Variants in EN1 observed in about 807,000 individuals in gnomAD.
The protein encoded by EN1 is homeobox protein engrailed-1.
In EN1, 8 loss-of-function variants were observed where a neutral mutation model predicts 22.9. The observed-to-expected ratio is 0.35, with a 90% confidence interval of 0.20 to 0.63. EN1 has a LOEUF of 0.63. Among genes scored for constraint, EN1 ranks in the 20% least tolerant of loss-of-function variants. EN1 has a pLI of 0.73. For missense variants in EN1, 521 were observed against 572.1 expected (o/e 0.91, Z 0.91); for synonymous variants, 287 against 262.5 (o/e 1.09, Z -0.90).
Position 118,846,754 on chromosome 2 carries a change from T to G in EN1, c.414A>C (p.Gly138=). The change falls in exon 1 of 2, where the codon GGA becomes GGC. Residue 138 remains glycine (G), a synonymous_variant. Coordinates refer to ENST00000295206, the MANE Select transcript of EN1 (RefSeq NM_001426.4). The surrounding 1 kb of genome is among the most constrained non-coding windows in gnomAD (Gnocchi z 5.0). ...CTCTGTCACGCTCGACCCGGCCTCC[T>G]CCTCCTGCGCCTCCTCTGGCCGCCG... ...VAAAARGGAG[G]GGRVERDRGQ... 1.3e-6 allele frequency: 2 copies of G among 1,594,526 alleles called. No individual in the cohort carries two copies. The highest frequency in any genetic ancestry group is 1.7e-6 in the Non-Finnish European group (2 of 1,177,540).
At position 118,846,229 on chromosome 2, in the gene EN1, C is replaced by T. The variant is rs1678265710; in HGVS notation, c.862+77G>A. Reference sequence around the variant, plus strand: ...AGTACCCGAGGCCGGGTTTGCTCTCCCTAGCGCCGCAGCTTGGCGTTCTGG... The same window carrying T: ...AGTACCCGAGGCCGGGTTTGCTCTCTCTAGCGCCGCAGCTTGGCGTTCTGG... On this transcript the variant is annotated intron_variant, in intron 1 of 1. Coordinates refer to ENST00000295206, the MANE Select transcript of EN1 (RefSeq NM_001426.4). The surrounding 1 kb of genome is among the most constrained non-coding windows in gnomAD (Gnocchi z 5.0). The T allele has an allele frequency of 1.9e-6, 3 of 1,547,194 alleles. No individual in the cohort carries two copies. Among genetic ancestry groups the T allele is most frequent in the African/African-American group, 2.7e-5 (2 of 72,914 alleles).
chr2:118,845,490 G>T (rs2104611118), intron 1 of EN1, among the ~76,000 whole-genome samples: 1 of 152,370 alleles, frequency 6.6e-6, no homozygotes, highest in Non-Finnish European at 1.5e-5. Context: ...AAGTCTGCTG[G>T]ATGTGCGGGT....
Position 118,846,996 on chromosome 2 carries a change from AG to A in EN1, c.171del (p.Ser58ArgfsTer54), listed in dbSNP as rs1363146947. Reference sequence around the variant, plus strand: ...GGCAGGCAAGGCGCCGCGGGCGGCGAGGGGGGCGCAGGCTGCGGGGACACCG... The same window carrying A: ...GGCAGGCAAGGCGCCGCGGGCGGCGAGGGGGCGCAGGCTGCGGGGACACCG... ...SVPVSPQPAP[P>X]SPPAAPCLPP... On this transcript the variant is annotated frameshift_variant, in exon 1 of 2. Transcript: ENST00000295206. LOFTEE classifies it high-confidence loss of function. This position sits in a 1 kb window ranked among gnomAD's most constrained non-coding sequence, Gnocchi z 5.0. 7.4e-7 allele frequency: 1 copy of A among 1,342,524 alleles called. No homozygotes were observed. Among genetic ancestry groups the A allele is most frequent in the Non-Finnish European group, 9.5e-7 (1 of 1,057,270 alleles). 83.2% of individuals were successfully genotyped at this position (1,342,524 alleles called of 1,614,324 possible). A position where few individuals can be genotyped will look rare whatever the true frequency, so the allele number is the denominator to read the frequency against.
chr2:118,845,921 C>T (rs1678261446), intron 1 of EN1, among the ~76,000 whole-genome samples: 1 of 152,232 alleles, frequency 6.6e-6, no homozygotes, highest in South Asian at 2.1e-4. Flanking sequence ...GACGATCAGG[C>T]TGGTGGGATT....
chr2:118,842,893 G>A lies in EN1; in HGVS notation c.*45C>T, dbSNP rs756909659. The A allele has an allele frequency of 3.8e-6, 6 of 1,565,856 alleles. No homozygotes were observed. Among genetic ancestry groups the A allele is most frequent in the Non-Finnish European group, 4.3e-6 (5 of 1,153,556 alleles). On this transcript the variant is annotated 3_prime_UTR_variant, in exon 2 of 2. Coordinates refer to ENST00000295206, the MANE Select transcript of EN1 (RefSeq NM_001426.4). ...CAGCGAGGGGCCGGGAGACGACGGC[G>A]GCGGTGCCGGGAGGGGGCGCGGGCG...
intron 1 of EN1, among the ~76,000 whole-genome samples, chr2:118,845,461 A>C (rs1056704053): frequency 2.6e-5 from 4 of 152,306 alleles, no homozygotes; most frequent in Non-Finnish European, 5.9e-5. Context: ...GCCGAGAAAA[A>C]CAGGCCTACG....
Position 118,847,420 on chromosome 2 carries a change from A to G in EN1, c.-253T>C, listed in dbSNP as rs920917673. ...CATCCAGATATGGAGACACTTGGCT[A>G]TTTCTTTTTTCTTTCTGCAACCAGA... On this transcript the variant is annotated 5_prime_UTR_variant, in exon 1 of 2. Transcript: ENST00000295206. 2 of 332,012 alleles carry G rather than the reference A, an allele frequency of 6.0e-6. No homozygotes were observed. Among genetic ancestry groups the G allele is most frequent in the East Asian group, 4.7e-5 (1 of 21,414 alleles). The allele number at this position is 332,012 out of a possible 1,614,324, so 20.6% of individuals were successfully genotyped here. A position where few individuals can be genotyped will look rare whatever the true frequency, so the allele number is the denominator to read the frequency against.
chr2:118,844,550 C>T (rs140043471), intron 1 of EN1, among the ~76,000 whole-genome samples: 68 of 152,306 alleles, frequency 4.5e-4, no homozygotes, highest in African/African-American at 1.3e-3. Flanking sequence ...CTGGGTCCTG[C>T]CTTGGATATG....
Position 118,842,748 on chromosome 2 carries a change from C to G in EN1, c.*190G>C. The G allele has an allele frequency of 1.9e-6, 2 of 1,030,016 alleles. No individual in the cohort carries two copies. Among genetic ancestry groups the G allele is most frequent in the Non-Finnish European group, 2.7e-6 (2 of 737,168 alleles). 63.8% of individuals were successfully genotyped at this position (1,030,016 alleles called of 1,614,324 possible). Reference sequence around the variant, plus strand: ...ATTTTTCGATAGCACCTGTCCGAGTCTTTCTCCCTTTTCAAAAATGCTGCG... The same window carrying G: ...ATTTTTCGATAGCACCTGTCCGAGTGTTTCTCCCTTTTCAAAAATGCTGCG... On this transcript the variant is annotated 3_prime_UTR_variant, in exon 2 of 2. Transcript: ENST00000295206.
Position 118,846,870 on chromosome 2 carries a change from G to A in EN1, c.298C>T (p.His100Tyr). Residue 100 changes from histidine (H) to tyrosine (Y), a missense_variant, in exon 1 of 2, where the codon CAC becomes TAC. Transcript: ENST00000295206. The surrounding 1 kb of genome is among the most constrained non-coding windows in gnomAD (Gnocchi z 5.0). ...TCGATGAAAAAGTTGGTGGTGCGGT[G>A]CAGCTGGGCCGCTGGCTGCGGCTGG... ...AHQPQPAAQL[H>Y]RTTNFFIDNI... 1.3e-6 allele frequency: 2 copies of A among 1,577,918 alleles called. No homozygotes were observed. The highest frequency in any genetic ancestry group is 1.7e-6 in the Non-Finnish European group (2 of 1,168,930).
Position 118,842,833 on chromosome 2 carries a change from G to T in EN1, c.*105C>A, listed in dbSNP as rs1678211128. The T allele has an allele frequency of 2.1e-6, 3 of 1,445,328 alleles. No homozygotes were observed. The highest frequency in any genetic ancestry group is 1.5e-5 in the South Asian group (1 of 68,876). 89.5% of individuals were successfully genotyped at this position (1,445,328 alleles called of 1,614,324 possible). ...CTGTCTCTCTCGCTCTTTTCCCTGC[G>T]CTCCCTCCCTCCTTGGAGCAGATGC... On this transcript the variant is annotated 3_prime_UTR_variant, in exon 2 of 2. Coordinates refer to ENST00000295206, the MANE Select transcript of EN1 (RefSeq NM_001426.4).
chr2:118,843,268 G>A lies in EN1; in HGVS notation c.863-14C>T, dbSNP rs571122176. The A allele has an allele frequency of 7.5e-7, 1 of 1,327,448 alleles. No homozygotes were observed. Among genetic ancestry groups the A allele is most frequent in the East Asian group, 3.0e-5 (1 of 32,798 alleles). The allele number at this position is 1,327,448 out of a possible 1,614,324, so 82.2% of individuals were successfully genotyped here. ...TGGTGCGCGGACCTGCAGCGGCGGA[G>A]AGGGCCGGGGTGGGGTGGGGGTGGG... On this transcript the variant is annotated splice_polypyrimidine_tract_variant and intron_variant, in intron 1 of 1. Coordinates refer to ENST00000295206, the MANE Select transcript of EN1 (RefSeq NM_001426.4).
chr2:118,842,810 G>C lies in EN1; in HGVS notation c.*128C>G. On this transcript the variant is annotated 3_prime_UTR_variant, in exon 2 of 2. Coordinates refer to ENST00000295206, the MANE Select transcript of EN1 (RefSeq NM_001426.4). Reference sequence around the variant, plus strand: ...TTGTCCATTCTGAGGCTCTCTTTCTGTCTCTCTCGCTCTTTTCCCTGCGCT... The same window carrying C: ...TTGTCCATTCTGAGGCTCTCTTTCTCTCTCTCTCGCTCTTTTCCCTGCGCT... 2.9e-6 allele frequency: 4 copies of C among 1,398,934 alleles called. No homozygotes were observed. Among genetic ancestry groups the C allele is most frequent in the Non-Finnish European group, 3.8e-6 (4 of 1,065,504 alleles). 86.7% of individuals were successfully genotyped at this position (1,398,934 alleles called of 1,614,324 possible).
intron 1 of EN1, 128 bp from the exon 2 acceptor site, chr2:118,843,382 G>A (rs1438722616): frequency 2.4e-6 from 2 of 847,216 alleles, no homozygotes; most frequent in African/African-American, 1.7e-5. Flanking sequence ...CGCTTCCGGG[G>A]CGATCTCGGA....
At chr2:118,844,362 G>A (rs1678237046) in intron 1 of EN1, 1 of 152,042 alleles carries the variant, frequency 6.6e-6, no homozygotes, top group African/African-American at 2.4e-5. Context: ...AGGGGCCACA[G>A]GAAACCTCCT....
At position 118,846,942 on chromosome 2, in the gene EN1, G is replaced by A; in HGVS notation, c.226C>T (p.Pro76Ser). 6.8e-7 allele frequency: 1 copy of A among 1,479,846 alleles called. No individual in the cohort carries two copies. The allele number at this position is 1,479,846 out of a possible 1,614,324, so 91.7% of individuals were successfully genotyped here. ...TGAGGCGGCGGGGGCGGGGGGTGTG[G>A]GGGGAGGTGCGGGTGGTGGGCCAGG... Reference protein sequence around the residue: ...PPLAHHPHLPPHPPPPPPQHL... With the variant: ...PPLAHHPHLPSHPPPPPPQHL... The change falls in exon 1 of 2, where the codon CCA (proline) becomes TCA (serine). Residue 76 changes from proline to serine, a missense_variant. This residue lies in a region of EN1 where 436 missense variants were observed against 410.1 expected (regional missense o/e 1.06). Coordinates refer to ENST00000295206, the MANE Select transcript of EN1 (RefSeq NM_001426.4). The surrounding 1 kb of genome is among the most constrained non-coding windows in gnomAD (Gnocchi z 5.0).
rs1370958937 is a variant in EN1, at chr2:118,847,132, G to A, written c.36C>T (p.Arg12=). The change falls in exon 1 of 2, where the codon CGC becomes CGT. Residue 12 remains arginine (R), a synonymous_variant. Transcript: ENST00000295206. ...CCGCCGCCGCGCCGAGGGCCGAGTC[G>A]CGCTGACTTTTAGGTTCCGGCTGCT... ...EEQQPEPKSQ[R]DSALGAAAAA... is the part of the protein sequence containing the mutation. 6 of 1,309,640 alleles carry A rather than the reference G, an allele frequency of 4.6e-6. No individual in the cohort carries two copies. Among genetic ancestry groups the A allele is most frequent in the Non-Finnish European group, 6.1e-6 (6 of 986,016 alleles). 81.1% of individuals were successfully genotyped at this position (1,309,640 alleles called of 1,614,324 possible).
chr2:118,845,894 G>A (rs1175436406), intron 1 of EN1, among the ~76,000 whole-genome samples: 1 of 152,200 alleles, frequency 6.6e-6, no homozygotes, highest in East Asian at 1.9e-4. Flanking sequence ...GCCTTCTCTG[G>A]TCAAATCTGG....
rs1678273688 is a variant in EN1, at chr2:118,846,544, TGCCGCCGCGGCCGCCGCC to T, written c.606_623del (p.Ala203_Ala208del). ...CTGCGGCCGCCGCCGCCGCCGCCAC[TGCCGCCGCGGCCGCCGCC>T]GCCGCCGCAGCCGGGTTCCCAGCTT... On this transcript the variant is annotated inframe_deletion, in exon 1 of 2. Transcript: ENST00000295206. The surrounding 1 kb of genome is among the most constrained non-coding windows in gnomAD (Gnocchi z 5.0). The T allele has an allele frequency of 9.2e-6, 11 of 1,189,510 alleles. 1 individual carries two copies. The highest frequency in any genetic ancestry group is 1.1e-5 in the Non-Finnish European group (11 of 962,926). The allele number at this position is 1,189,510 out of a possible 1,614,324, so 73.7% of individuals were successfully genotyped here.
Sources: allele counts gnomAD v4.1 joint callset (sites outside exome capture counted in the v4.1 genomes callset), GRCh38; gene constraint gnomAD v4.1.1; regional missense constraint gnomAD v4.1.1; non-coding constraint Gnocchi (gnomAD v3.1); transcripts MANE v1.5; gene names NCBI Gene and HGNC (gene_info 2026-07-23, HGNC 2026-07-21).